The following DCLRE1C variants were observed in gnomAD, a reference collection of about 807,000 sequenced individuals.
DCLRE1C encodes protein artemis.
DCLRE1C carries 47 observed loss-of-function variants against 61.4 expected under a neutral mutation model. That is an observed-to-expected ratio of 0.77 (90% CI 0.61 to 0.98). The LOEUF is 0.98. Among genes scored for constraint, DCLRE1C ranks in the 50% least tolerant of loss-of-function variants. The probability of loss-of-function intolerance (pLI) is 0.00; values close to 1 mark genes in which losing one functional copy is unlikely to be tolerated. For missense variants in DCLRE1C, 858 were observed against 816.0 expected (o/e 1.05, Z -0.63); for synonymous variants, 337 against 287.6 (o/e 1.17, Z -1.74).
At position 14,909,071 on chromosome 10, in the gene DCLRE1C, A is replaced by C; in HGVS notation, c.1416T>G (p.Asp472Glu). The C allele has an allele frequency of 6.2e-7, 1 of 1,614,188 alleles. No individual in the cohort carries two copies. Among genetic ancestry groups the C allele is most frequent in the Non-Finnish European group, 8.5e-7 (1 of 1,180,038 alleles). ...EVGIPASLQG[D>E]LGSVLHLQKA... Reference sequence around the variant, plus strand: ...TTTGCAGGTGAAGTACAGAGCCCAGATCTCCTTGCAGTGAAGCTGGGATTC... The same window carrying C: ...TTTGCAGGTGAAGTACAGAGCCCAGCTCTCCTTGCAGTGAAGCTGGGATTC... Residue 472 changes from aspartate (D) to glutamate (E), a missense_variant, in exon 14 of 14, where the codon GAT (aspartate) becomes GAG (glutamate). Asp to Glu is a conservative substitution (Grantham distance 45). Around this residue, in one of 2 missense-constraint regions of DCLRE1C, gnomAD observed 843 missense variants for 783.5 expected, o/e 1.08. Coordinates refer to ENST00000378278, the MANE Select transcript of DCLRE1C (RefSeq NM_001033855.3).
chr10:14,945,535 G>C, intron 2 of DCLRE1C: 3 of 1,101,432 alleles, frequency 2.7e-6, no homozygotes, highest in Non-Finnish European at 3.3e-6. Flanking sequence ...TTGTTACTTG[G>C]AAATACGCGC....
chr10:14,946,604 G>A (rs933683880), intron 2 of DCLRE1C, among the ~76,000 whole-genome samples: 1 of 151,910 alleles, frequency 6.6e-6, no homozygotes, highest in Non-Finnish European at 1.5e-5. Context: ...TAGGACATAC[G>A]CTTTTTAACC....
chr10:14,911,468 A>G (rs192260645), intron 13 of DCLRE1C: 1 of 152,342 alleles, frequency 6.6e-6, no homozygotes, highest in East Asian at 1.9e-4. Flanking sequence ...AATGTATGGC[A>G]TTCAAAAACA....
At chr10:14,929,169 C>A (rs1169772158) in intron 9 of DCLRE1C, among the ~76,000 whole-genome samples, 1 of 152,156 alleles carries the variant, frequency 6.6e-6, no homozygotes, top group Non-Finnish European at 1.5e-5. Flanking sequence ...CTCTGGGAGG[C>A]TGAGGCAGGT....
chr10:14,936,444 A>G, intron 5 of DCLRE1C, 94 bp downstream of exon 5: 1 of 954,628 alleles, frequency 1.0e-6, no homozygotes, highest in Non-Finnish European at 1.6e-6. Context: ...CACTGCACCC[A>G]GCCCCCTATT....
rs1834727044 is a variant in DCLRE1C, at chr10:14,908,679, G to GAGTA, written c.1804_1807dup (p.Ser603LeufsTer3). The GAGTA allele has an allele frequency of 1.9e-6, 3 of 1,614,208 alleles. No homozygotes were observed. Among genetic ancestry groups the GAGTA allele is most frequent in the East Asian group, 2.2e-5 (1 of 44,882 alleles). ...ATCTTTATCTCTGCTTTTCAAATCAGAGTAAGTATCCTTTGGGCAAATTAC... is the reference window on the plus strand; with the variant it reads ...ATCTTTATCTCTGCTTTTCAAATCAGAGTAAGTAAGTATCCTTTGGGCAAATTAC... On this transcript the variant is annotated frameshift_variant, in exon 14 of 14. Coordinates refer to ENST00000378278, the MANE Select transcript of DCLRE1C (RefSeq NM_001033855.3). LOFTEE classifies it low-confidence loss of function (END_TRUNC).
intron 13 of DCLRE1C, among the ~76,000 whole-genome samples, chr10:14,912,429 C>A (rs144970185): frequency 5.2e-4 from 79 of 152,154 alleles, no homozygotes; most frequent in African/African-American, 1.7e-3. Context: ...CAAAATTCTA[C>A]CCCCCACAAG....
At chr10:14,953,762 C>G (rs535911804) in intron 1 of DCLRE1C, 140 bp downstream of exon 1, 3 of 1,259,992 alleles carry the variant, frequency 2.4e-6, no homozygotes, top group Non-Finnish European at 3.3e-6. Context: ...CTGAAGAGCC[C>G]GACTGGGACA....
In DCLRE1C at chr10:14,927,953, G is replaced by A. The variant is rs933522483; in HGVS notation, c.917+63C>T. 20 of 1,536,966 alleles carry A rather than the reference G, an allele frequency of 1.3e-5. No homozygotes were observed. The African/African-American group carries it at 2.5e-4, about 19-fold the overall frequency. On this transcript the variant is annotated intron_variant, in intron 10 of 13. Transcript: ENST00000378278. ...GGCTTAGGCTAGACTGTGCTTAAAT[G>A]AAATTAAATCAGACAATTTACTCAA...
chr10:14,930,206 A>T (rs116680156), intron 9 of DCLRE1C, among the ~76,000 whole-genome samples: 2,265 of 145,224 alleles, frequency 0.016, 39 homozygotes, highest in African/African-American at 0.054. Flanking sequence ...CCACCTCCCA[A>T]ACTCAAGCAA....
At chr10:14,935,804 A>G (rs1839811888) in intron 5 of DCLRE1C, among the ~76,000 whole-genome samples, 1 of 152,268 alleles carries the variant, frequency 6.6e-6, no homozygotes, top group Admixed American at 6.5e-5. Flanking sequence ...GTGATATGTT[A>G]GCACTTTCAA....
At chr10:14,931,951 T>C (rs1464141061) in intron 9 of DCLRE1C, among the ~76,000 whole-genome samples, 4 of 152,068 alleles carry the variant, frequency 2.6e-5, no homozygotes, top group African/African-American at 7.2e-5. Flanking sequence ...GGAGAATCGC[T>C]TGAACTCAGG....
chr10:14,913,058 T>C (rs145597200), intron 13 of DCLRE1C, among the ~76,000 whole-genome samples: 1,317 of 151,702 alleles, frequency 8.7e-3, no homozygotes, highest in African/African-American at 0.029. Flanking sequence ...GGTTTCACCG[T>C]GTTAGCCAGG....
chr10:14,933,558 A>G (rs1839376617), intron 8 of DCLRE1C, among the ~76,000 whole-genome samples: 1 of 152,132 alleles, frequency 6.6e-6, no homozygotes. Context: ...AATCACTTGA[A>G]CCCAGGAGGC....
chr10:14,937,280 ACTT>A (rs1840096463), intron 4 of DCLRE1C, among the ~76,000 whole-genome samples: 1 of 132,692 alleles, frequency 7.5e-6, no homozygotes, highest in Non-Finnish European at 1.6e-5. Context: ...AAAGCTATTT[ACTT>A]TTTTTTTTTT....
At chr10:14,940,549 A>C (rs1376601810) in intron 3 of DCLRE1C, among the ~76,000 whole-genome samples, 5 of 151,928 alleles carry the variant, frequency 3.3e-5, no homozygotes, top group African/African-American at 1.2e-4. Flanking sequence ...CAGCTTTCCA[A>C]AGTGCTGGGA....
chr10:14,925,251 A>C (rs1037285186), intron 11 of DCLRE1C, among the ~76,000 whole-genome samples: 3 of 147,376 alleles, frequency 2.0e-5, no homozygotes, highest in South Asian at 2.1e-4. Context: ...AAAAAAAAGT[A>C]AAGTCAAGCC....
intron 2 of DCLRE1C, among the ~76,000 whole-genome samples, chr10:14,947,234 AC>A (rs1184533409): frequency 5.3e-5 from 8 of 152,052 alleles, no homozygotes; most frequent in Non-Finnish European, 7.4e-5. Flanking sequence ...AAACAAACAA[AC>A]AAACAAAAAA....
chr10:14,939,304 C>T (rs1273127790), intron 4 of DCLRE1C, among the ~76,000 whole-genome samples: 1 of 151,902 alleles, frequency 6.6e-6, no homozygotes. Flanking sequence ...GGGCTCTGGT[C>T]GTGGTGGCAG....
Sources: allele counts gnomAD v4.1 joint callset (sites outside exome capture counted in the v4.1 genomes callset), GRCh38; gene constraint gnomAD v4.1.1; regional missense constraint gnomAD v4.1.1; transcripts MANE v1.5; gene names NCBI Gene and HGNC (gene_info 2026-07-23, HGNC 2026-07-21).